The following CNTN5 variants were observed in gnomAD, a reference collection of about 807,000 sequenced individuals.
The protein encoded by CNTN5 is contactin 5, also known as contactin-5.
A neutral mutation model predicts 129.1 loss-of-function variants in CNTN5; 77 were observed. The ratio of observed to expected loss-of-function variants is 0.60; its 90% CI spans 0.50 to 0.72. The LOEUF (loss-of-function observed/expected upper bound fraction) is 0.72. Among genes scored for constraint, CNTN5 ranks in the 30% least tolerant of loss-of-function variants. CNTN5 has a pLI of 0.00. For missense variants in CNTN5, 1,478 were observed against 1,328.8 expected, an observed-to-expected ratio of 1.11 and a Z score of -1.75; for synonymous variants, 509 against 465.6, an observed-to-expected ratio of 1.09 and a Z score of -1.20.
chr11:99,353,656 C>G (rs1050705355), intron 2 of CNTN5, among the ~76,000 whole-genome samples: 1 of 152,172 alleles, frequency 6.6e-6, no homozygotes, highest in Non-Finnish European at 1.5e-5. Context: ...GGCTTACCAT[C>G]TATAACTCAG....
At chr11:99,334,097 C>T (rs1216708897) in intron 2 of CNTN5, among the ~76,000 whole-genome samples, 2 of 151,896 alleles carry the variant, frequency 1.3e-5, no homozygotes, top group Non-Finnish European at 1.5e-5. Context: ...AGCACATACA[C>T]GCCTTGAGTG....
chr11:99,772,309 G>A lies in CNTN5; in HGVS notation c.56-47235G>A, dbSNP rs572919823. Among the ~76,000 whole-genome samples, 230 of 152,114 alleles carry A rather than the reference G, an allele frequency of 1.5e-3. 1 individual carries two copies. Among genetic ancestry groups the A allele is most frequent in the African/African-American group, 5.4e-3 (225 of 41,532 alleles). On this transcript the variant is annotated intron_variant, in intron 3 of 24. Coordinates refer to ENST00000524871, the MANE Select transcript of CNTN5 (RefSeq NM_014361.4). ...AGCTATTGCAATGTAGTGTGATACA[G>A]GTTAAGTCCGGAATGTATGTAAGGT... is the stretch of plus-strand genomic sequence containing the variant.
At chr11:100,203,670 C>T (rs1295518874) in intron 15 of CNTN5, among the ~76,000 whole-genome samples, 2 of 151,688 alleles carry the variant, frequency 1.3e-5, no homozygotes, top group Non-Finnish European at 2.9e-5. Flanking sequence ...GTCCTATTCC[C>T]AGCACTTATT....
chr11:99,840,823 C>G lies in CNTN5; in HGVS notation c.278-4029C>G, dbSNP rs74997526. 9.3e-3 allele frequency among the ~76,000 whole-genome samples: 1,409 copies of G among 152,184 alleles called. 17 individuals carry two copies. Among genetic ancestry groups the G allele is most frequent in the African/African-American group, 0.032 (1,333 of 41,528 alleles). ...TGTTATCTCCAACAAGTTATAGATTCCATCAAGCAAAAGAGTGCAGAATGT... is the reference window on the plus strand; with the variant it reads ...TGTTATCTCCAACAAGTTATAGATTGCATCAAGCAAAAGAGTGCAGAATGT... On this transcript the variant is annotated intron_variant, in intron 4 of 24. Transcript: ENST00000524871.
chr11:99,645,068 A>T lies in CNTN5; in HGVS notation c.55+88799A>T, dbSNP rs188498696. Among the ~76,000 whole-genome samples the T allele has an allele frequency of 4.3e-3, 638 of 149,288 alleles. 4 individuals carry two copies. Among genetic ancestry groups the T allele is most frequent in the African/African-American group, 0.015 (603 of 40,700 alleles). On this transcript the variant is annotated intron_variant, in intron 3 of 24. Coordinates refer to ENST00000524871, the MANE Select transcript of CNTN5 (RefSeq NM_014361.4). The stretch of plus-strand genomic sequence containing the variant: ...AATCACAAGGTCAGGAGTTGAGACC[A>T]GCCTGGCCAATATGGTGAAACTCCG...
At chr11:99,571,708 AG>A (rs1949180000) in intron 3 of CNTN5, among the ~76,000 whole-genome samples, 1 of 152,148 alleles carries the variant, frequency 6.6e-6, no homozygotes, top group Non-Finnish European at 1.5e-5. Flanking sequence ...AAGGCAAAAA[AG>A]GTTTATCATA....
rs988111401 is a variant in CNTN5 at position 99,817,347 on chromosome 11, G to A, written c.56-2197G>A. Among the ~76,000 whole-genome samples, 10 of 152,318 alleles carry A rather than the reference G, an allele frequency of 6.6e-5. No individual in the cohort carries two copies. The South Asian group carries it at 8.3e-4, about 13-fold the overall frequency. On this transcript the variant is annotated intron_variant, in intron 3 of 24. Transcript: ENST00000524871. ...ATTACATAACAAAGGAAGACCTGGC[G>A]TAGTGCGCTTAGCCAAATTAGCATT...
intron 13 of CNTN5, among the ~76,000 whole-genome samples, chr11:100,185,631 C>T (rs1948277914): frequency 6.6e-6 from 1 of 152,114 alleles, no homozygotes; most frequent in African/African-American, 2.4e-5. Flanking sequence ...ATGTTGAAGC[C>T]CTAACCCTCA....
chr11:99,734,572 C>T (rs1303206137), intron 3 of CNTN5, among the ~76,000 whole-genome samples: 1 of 152,166 alleles, frequency 6.6e-6, no homozygotes, highest in African/African-American at 2.4e-5. Flanking sequence ...TTACAACTCA[C>T]ATTACTAGAT....
chr11:99,070,344 A>T (rs1169408809), intron 1 of CNTN5, among the ~76,000 whole-genome samples: 2 of 152,148 alleles, frequency 1.3e-5, no homozygotes, highest in African/African-American at 4.8e-5. Flanking sequence ...AAAAATTGGT[A>T]TCTGTGTTCA....
chr11:100,255,924 A>G lies in CNTN5; in HGVS notation c.2164+6A>G. 1.2e-6 allele frequency: 2 copies of G among 1,613,636 alleles called. No individual in the cohort carries two copies. Among genetic ancestry groups the G allele is most frequent in the South Asian group, 2.2e-5 (2 of 91,078 alleles). On this transcript the variant is annotated splice_donor_region_variant and intron_variant, in intron 17 of 24. Coordinates refer to ENST00000524871, the MANE Select transcript of CNTN5 (RefSeq NM_014361.4). ...CTGGCAAACAGTAAAGACAGGTAAG[A>G]GGCACTAAAGCAACATCAGATATAA...
chr11:99,705,059 A>G (rs767990911), intron 3 of CNTN5, among the ~76,000 whole-genome samples: 1 of 151,340 alleles, frequency 6.6e-6, no homozygotes, highest in African/African-American at 2.4e-5. Flanking sequence ...TCAACAACAA[A>G]AAATTAGCTG....
chr11:99,505,938 C>G (rs2135396126), intron 2 of CNTN5, among the ~76,000 whole-genome samples: 1 of 152,314 alleles, frequency 6.6e-6, no homozygotes, highest in South Asian at 2.1e-4. Flanking sequence ...ATTCCGAACT[C>G]TGTGTGTTAA....
chr11:99,830,249 C>G (rs1947096455), intron 4 of CNTN5, among the ~76,000 whole-genome samples: 1 of 152,180 alleles, frequency 6.6e-6, no homozygotes, highest in South Asian at 2.1e-4. Flanking sequence ...CATAATTTTG[C>G]TCTCTTTAAT....
intron 3 of CNTN5, among the ~76,000 whole-genome samples, chr11:99,628,601 G>T (rs1463241649): frequency 1.4e-5 from 2 of 139,132 alleles, no homozygotes; most frequent in African/African-American, 5.3e-5. Flanking sequence ...GAAACAGAAA[G>T]CTAAATAATG....
intron 3 of CNTN5, among the ~76,000 whole-genome samples, chr11:99,626,469 A>G (rs140300637): frequency 6.6e-6 from 1 of 152,044 alleles, no homozygotes; most frequent in Non-Finnish European, 1.5e-5. Context: ...TCTTCTTTAC[A>G]TCTCTGTTTC....
chr11:99,696,124 G>C (rs1954259968), intron 3 of CNTN5, among the ~76,000 whole-genome samples: 1 of 151,998 alleles, frequency 6.6e-6, no homozygotes, highest in African/African-American at 2.4e-5. Context: ...CTATAAAAGA[G>C]GGCTGACCTG....
chr11:99,640,080 A>G (rs1370686070), intron 3 of CNTN5, among the ~76,000 whole-genome samples: 1 of 152,078 alleles, frequency 6.6e-6, no homozygotes, highest in Non-Finnish European at 1.5e-5. Flanking sequence ...TATTGTTCAT[A>G]TTACTATCAG....
intron 3 of CNTN5, among the ~76,000 whole-genome samples, chr11:99,679,292 C>T (rs537359683): frequency 2.6e-5 from 4 of 151,260 alleles, no homozygotes; most frequent in South Asian, 2.1e-4. Flanking sequence ...CTCATTTTAT[C>T]GCACTCTGCT....
Sources: gnomAD v4.1 joint callset for allele counts (sites outside exome capture counted in the v4.1 genomes callset) on GRCh38, gnomAD v4.1.1 for gene constraint, MANE v1.5 for transcripts, NCBI Gene and HGNC (gene_info 2026-07-23, HGNC 2026-07-21) for gene names.